Variants in TMEM38A observed in about 807,000 individuals in gnomAD.
TMEM38A encodes the protein transmembrane protein 38A.
A neutral mutation model predicts 28.6 loss-of-function variants in TMEM38A; 17 were observed. The observed-to-expected ratio is 0.60, with a 90% CI of 0.41 to 0.89. The LOEUF (loss-of-function observed/expected upper bound fraction) is 0.89. TMEM38A is among the 40% of genes least tolerant of loss of function. The pLI, the probability that TMEM38A is intolerant of heterozygous loss-of-function variation, is 0.00. For missense variants in TMEM38A, 328 were observed against 393.1 expected, an observed-to-expected ratio of 0.83 and a Z score of 1.40; for synonymous variants, 169 against 166.1, an observed-to-expected ratio of 1.02 and a Z score of -0.14.
At chr19:16,668,911 C>T (rs1275443713) in intron 1 of TMEM38A, among the ~76,000 whole-genome samples, 3 of 151,668 alleles carry the variant, frequency 2.0e-5, no homozygotes, top group Non-Finnish European at 4.4e-5. Flanking sequence ...TCACTGCAAC[C>T]TCTGCCTCCC....
Position 16,661,197 on chromosome 19 carries a change from G to T in TMEM38A, c.-21G>T. Reference sequence around the variant, plus strand: ...AGGCCGGGGCCCCGGGTGGCACCCGGCAGGCGGGCAGGCGGGCGCCATGGA... The same window carrying T: ...AGGCCGGGGCCCCGGGTGGCACCCGTCAGGCGGGCAGGCGGGCGCCATGGA... On this transcript the variant is annotated 5_prime_UTR_variant, in exon 1 of 6. Coordinates refer to ENST00000187762, the MANE Select transcript of TMEM38A (RefSeq NM_024074.4). This position sits in a 1 kb window ranked among gnomAD's most constrained non-coding sequence, Gnocchi z 6.5. The T allele has an allele frequency of 7.1e-7, 1 of 1,403,808 alleles. No individual in the cohort carries two copies. Among genetic ancestry groups the T allele is most frequent in the South Asian group, 1.6e-5 (1 of 64,038 alleles). The allele number at this position is 1,403,808 out of a possible 1,614,324, so 87.0% of individuals were successfully genotyped here. A position where few individuals can be genotyped will look rare whatever the true frequency, so the allele number is the denominator to read the frequency against.
In TMEM38A at chr19:16,675,516, G is replaced by T. The variant is rs143459483; in HGVS notation, c.125-4468G>T. ...CCCAAAGTGCTGGGATTACAGGTGT[G>T]AGTCACCACGCCTGGCCTCTCTTGA... On this transcript the variant is annotated intron_variant, in intron 1 of 5. Transcript: ENST00000187762. 4.4e-3 allele frequency among the ~76,000 whole-genome samples: 657 copies of T among 148,740 alleles called. 2 individuals carry two copies. The highest frequency in any genetic ancestry group is 7.9e-3 in the Non-Finnish European group (533 of 67,558).
intron 1 of TMEM38A, among the ~76,000 whole-genome samples, chr19:16,673,803 G>C (rs2086737753): frequency 6.6e-6 from 1 of 152,086 alleles, no homozygotes; most frequent in Non-Finnish European, 1.5e-5. Context: ...CACCAGAAAT[G>C]CGCAGGCCTG....
chr19:16,671,201 CTTTTT>C (rs34550977), intron 1 of TMEM38A, among the ~76,000 whole-genome samples: 6 of 84,854 alleles, frequency 7.1e-5, no homozygotes, highest in East Asian at 7.6e-4. Flanking sequence ...AGGACCTGGG[CTTTTT>C]TTTTTTTTTT....
intron 1 of TMEM38A, among the ~76,000 whole-genome samples, chr19:16,667,855 G>A (rs573017925): frequency 8.6e-5 from 12 of 139,076 alleles, no homozygotes; most frequent in South Asian, 6.6e-4. Flanking sequence ...GCAAGACTCC[G>A]TCTCAGAAAA....
At chr19:16,666,263 G>T (rs1298181303) in intron 1 of TMEM38A, among the ~76,000 whole-genome samples, 1 of 151,920 alleles carries the variant, frequency 6.6e-6, no homozygotes, top group Admixed American at 6.6e-5. Context: ...ACAGACATCA[G>T]CCATTGCGCC....
intron 2 of TMEM38A, 99 bp from the exon 3 acceptor site, chr19:16,680,298 C>T: frequency 1.3e-6 from 2 of 1,509,956 alleles, no homozygotes; most frequent in South Asian, 1.2e-5. Context: ...GGTCTAGGCA[C>T]AGCACGTTGG....
chr19:16,677,013 G>A (rs1292735271), intron 1 of TMEM38A, among the ~76,000 whole-genome samples: 10 of 146,480 alleles, frequency 6.8e-5, no homozygotes, highest in African/African-American at 1.8e-4. Context: ...CACCCACCTC[G>A]CCCTCCCAAA....
chr19:16,680,270 C>T, intron 2 of TMEM38A, 127 bp from the exon 3 acceptor site: 3 of 1,466,230 alleles, frequency 2.0e-6, no homozygotes, highest in South Asian at 2.5e-5. Flanking sequence ...GAATATGCTG[C>T]CCTCCATGCC....
chr19:16,666,727 G>T (rs973367144), intron 1 of TMEM38A, among the ~76,000 whole-genome samples: 4 of 152,118 alleles, frequency 2.6e-5, no homozygotes, highest in African/African-American at 9.7e-5. Flanking sequence ...AGCCAAGGTG[G>T]CTGGATCACA....
At position 16,688,540 on chromosome 19, in the gene TMEM38A, G is replaced by A. The variant is rs2086811897; in HGVS notation, c.*169G>A. 6.4e-6 allele frequency: 3 copies of A among 466,958 alleles called. No homozygotes were observed. Among genetic ancestry groups the A allele is most frequent in the African/African-American group, 2.0e-5 (1 of 49,768 alleles). The allele number at this position is 466,958 out of a possible 1,614,324, so 28.9% of individuals were successfully genotyped here. A position where few individuals can be genotyped will look rare whatever the true frequency, so the allele number is the denominator to read the frequency against. On this transcript the variant is annotated 3_prime_UTR_variant, in exon 6 of 6. Coordinates refer to ENST00000187762, the MANE Select transcript of TMEM38A (RefSeq NM_024074.4). ...TGTGGGGGTTGAGATATGGGGATGA[G>A]GATGAAGAACTTTTGTAGAAATCGG...
chr19:16,667,313 G>T (rs960076098), intron 1 of TMEM38A, among the ~76,000 whole-genome samples: 1 of 151,970 alleles, frequency 6.6e-6, no homozygotes, highest in South Asian at 2.1e-4. Context: ...CAGAACCCAG[G>T]CCCCACCCAG....
chr19:16,683,582 G>C, intron 4 of TMEM38A, among the ~76,000 whole-genome samples: 1 of 116,232 alleles, frequency 8.6e-6, no homozygotes, highest in African/African-American at 3.8e-5. Context: ...GGCAGAGCAA[G>C]ACCTTGTCTC....
intron 5 of TMEM38A, among the ~76,000 whole-genome samples, chr19:16,687,132 G>A (rs546467227): frequency 9.9e-4 from 151 of 152,226 alleles, no homozygotes; most frequent in African/African-American, 3.3e-3. Flanking sequence ...AGGAGTTCAA[G>A]ACCAGCCTGG....
intron 1 of TMEM38A, among the ~76,000 whole-genome samples, chr19:16,668,213 AAATAAAT>A (rs951801830): frequency 1.3e-5 from 2 of 151,890 alleles, no homozygotes; most frequent in African/African-American, 4.8e-5. Context: ...TGTCTCAGAA[AAATAAAT>A]AATAAATAAT....
At chr19:16,675,007 T>A (rs2086744215) in intron 1 of TMEM38A, among the ~76,000 whole-genome samples, 1 of 152,192 alleles carries the variant, frequency 6.6e-6, no homozygotes, top group Non-Finnish European at 1.5e-5. Flanking sequence ...ACAGATTTCT[T>A]AATCTGTTGC....
chr19:16,671,316 C>T (rs771464305), intron 1 of TMEM38A, among the ~76,000 whole-genome samples: 2 of 150,490 alleles, frequency 1.3e-5, no homozygotes, highest in African/African-American at 4.9e-5. Flanking sequence ...AGCAATTCTG[C>T]CTCAGCCTCC....
intron 1 of TMEM38A, among the ~76,000 whole-genome samples, chr19:16,662,096 TA>T (rs920166984): frequency 6.6e-6 from 1 of 152,186 alleles, no homozygotes; most frequent in Non-Finnish European, 1.5e-5. Flanking sequence ...TCTATTTTTA[TA>T]AAAGGTTCAC....
intron 1 of TMEM38A, 150 bp from the exon 2 acceptor site, chr19:16,679,834 C>G: frequency 4.0e-6 from 3 of 751,218 alleles, no homozygotes; most frequent in Non-Finnish European, 6.1e-6. Context: ...TGCGTACAGC[C>G]TCTCTGAACC....
Sources: gnomAD v4.1 joint callset for allele counts (sites outside exome capture counted in the v4.1 genomes callset) on GRCh38, gnomAD v4.1.1 for gene constraint, Gnocchi (gnomAD v3.1) non-coding constraint, MANE v1.5 for transcripts, NCBI Gene and HGNC (gene_info 2026-07-23, HGNC 2026-07-21) for gene names.